The following CWC27 variants were observed in gnomAD, a reference collection of about 807,000 sequenced individuals.
CWC27 encodes the protein spliceosome-associated protein CWC27 homolog.
In CWC27, 47 loss-of-function variants were observed where a neutral mutation model predicts 63.6. The observed-to-expected ratio is 0.74, with a 90% confidence interval of 0.58 to 0.94. The LOEUF is 0.94. CWC27 is among the 40% of genes least tolerant of loss of function. The pLI, the probability that CWC27 is intolerant of heterozygous loss-of-function variation, is 0.00. For missense variants in CWC27, 495 were observed against 554.3 expected (o/e 0.89, Z 1.07); for synonymous variants, 175 against 179.8 (o/e 0.97, Z 0.22).
At chr5:64,995,786 T>G (rs911632168) in intron 13 of CWC27, among the ~76,000 whole-genome samples, 1 of 152,222 alleles carries the variant, frequency 6.6e-6, no homozygotes, top group Non-Finnish European at 1.5e-5. Context: ...AGGTTGAACC[T>G]TTACTGTTCT....
intron 10 of CWC27, among the ~76,000 whole-genome samples, chr5:64,878,470 T>TAAAAAAAAAAAAAAAAAAAAAAAAAAAA (rs397998002): frequency 3.7e-5 from 1 of 26,914 alleles, no homozygotes; most frequent in Non-Finnish European, 7.1e-5. Flanking sequence ...GGTTACAGAT[T>TAAAAAAAAAAAAAAAAAAAAAAAAAAAA]AAAAAAAAAA....
At chr5:64,891,554 G>C (rs550389325) in intron 11 of CWC27, among the ~76,000 whole-genome samples, 77 of 152,270 alleles carry the variant, frequency 5.1e-4, no homozygotes, top group African/African-American at 1.8e-3. Flanking sequence ...TCATCTTTAA[G>C]AGTCCATAAA....
chr5:64,855,178 A>G (rs1310277496), intron 10 of CWC27, among the ~76,000 whole-genome samples: 2 of 152,154 alleles, frequency 1.3e-5, no homozygotes, highest in African/African-American at 4.8e-5. Context: ...CTGTTGAAAA[A>G]GAGATGTTGT....
chr5:64,820,730 C>A (rs542103299), intron 10 of CWC27, among the ~76,000 whole-genome samples: 21 of 151,974 alleles, frequency 1.4e-4, no homozygotes, highest in African/African-American at 5.1e-4. Context: ...GATCTATGTG[C>A]AAATAAATAA....
intron 10 of CWC27, among the ~76,000 whole-genome samples, chr5:64,821,978 G>T (rs2112247786): frequency 6.6e-6 from 1 of 152,278 alleles, no homozygotes; most frequent in Middle Eastern, 3.4e-3. Flanking sequence ...ATGTCTGCCG[G>T]AATTGGTAGA....
At chr5:64,834,332 T>A (rs1391281316) in intron 10 of CWC27, among the ~76,000 whole-genome samples, 1 of 151,732 alleles carries the variant, frequency 6.6e-6, no homozygotes, top group African/African-American at 2.4e-5. Context: ...CTCCTCATAC[T>A]ACCTTAGTAT....
chr5:64,878,430 T>C (rs1402656380), intron 10 of CWC27, among the ~76,000 whole-genome samples: 41 of 135,792 alleles, frequency 3.0e-4, no homozygotes, highest in African/African-American at 1.2e-3. Flanking sequence ...ATAAATGCCT[T>C]CTAAGCACCA....
At chr5:64,831,507 T>TAGATAGATAGAC (rs1745518852) in intron 10 of CWC27, among the ~76,000 whole-genome samples, 1 of 151,106 alleles carries the variant, frequency 6.6e-6, no homozygotes, top group Non-Finnish European at 1.5e-5. Flanking sequence ...GATAGATAGA[T>TAGATAGATAGAC]AGATAGACAG....
chr5:64,939,304 C>T (rs1279985380), intron 11 of CWC27, among the ~76,000 whole-genome samples: 22 of 152,120 alleles, frequency 1.4e-4, no homozygotes, highest in Admixed American at 1.4e-3. Flanking sequence ...TGTCGGCGTC[C>T]TTTTTGTTAA....
chr5:64,944,912 G>C (rs918131215), intron 11 of CWC27, among the ~76,000 whole-genome samples: 1 of 151,912 alleles, frequency 6.6e-6, no homozygotes, highest in Non-Finnish European at 1.5e-5. Context: ...AAGCCTCTAT[G>C]TTTGTCTAGT....
intron 13 of CWC27, among the ~76,000 whole-genome samples, chr5:64,998,895 A>T (rs1374965606): frequency 6.6e-6 from 1 of 150,910 alleles, no homozygotes; most frequent in African/African-American, 2.4e-5. Context: ...TACCATTTGT[A>T]TCTGCATTTT....
At position 64,878,470 on chromosome 5, in the gene CWC27, T is replaced by TAAA. The variant is rs397998002; in HGVS notation, c.939-6945_939-6943dup. Among the ~76,000 whole-genome samples, 124 of 26,926 alleles carry TAAA rather than the reference T, an allele frequency of 4.6e-3. 19 individuals carry two copies. Among genetic ancestry groups the TAAA allele is most frequent in the African/African-American group, 0.014 (114 of 8,174 alleles). The allele number at this position is 26,926 out of a possible 152,430, so 17.7% of individuals were successfully genotyped here. A position where few individuals can be genotyped will look rare whatever the true frequency, so the allele number is the denominator to read the frequency against. On this transcript the variant is annotated intron_variant, in intron 10 of 13. Transcript: ENST00000381070. ...GTCAGCACTGTCCTGGGTTACAGAT[T>TAAA]AAAAAAAAAAAAAAAAAAAAAAAAA... is the stretch of plus-strand genomic sequence containing the variant.
intron 11 of CWC27, among the ~76,000 whole-genome samples, chr5:64,899,012 T>TA (rs1349063052): frequency 1.3e-5 from 2 of 152,020 alleles, no homozygotes; most frequent in Non-Finnish European, 2.9e-5. Context: ...TACCTAGCTG[T>TA]AAAAAAGGCT....
chr5:64,890,994 G>A (rs1747218663), intron 11 of CWC27, among the ~76,000 whole-genome samples: 1 of 152,170 alleles, frequency 6.6e-6, no homozygotes, highest in African/African-American at 2.4e-5. Flanking sequence ...GTAGCAGCAA[G>A]AGGTGATCGC....
intron 13 of CWC27, among the ~76,000 whole-genome samples, chr5:65,014,262 TAATA>T (rs1750013950): frequency 6.8e-6 from 1 of 147,832 alleles, no homozygotes; most frequent in African/African-American, 2.5e-5. Context: ...ATGATATATA[TAATA>T]TATACCATAG....
At chr5:64,971,158 G>A (rs901162137) in intron 11 of CWC27, among the ~76,000 whole-genome samples, 4 of 152,114 alleles carry the variant, frequency 2.6e-5, no homozygotes, top group Non-Finnish European at 5.9e-5. Context: ...CAAACCTATA[G>A]ATTTGTTTTC....
chr5:64,845,867 C>T (rs1194322748), intron 10 of CWC27, among the ~76,000 whole-genome samples: 1 of 152,178 alleles, frequency 6.6e-6, no homozygotes, highest in Non-Finnish European at 1.5e-5. Flanking sequence ...ATGTGAATAT[C>T]CAGGTACAAG....
chr5:64,776,846 A>AT (rs1743474997), intron 2 of CWC27, among the ~76,000 whole-genome samples: 1 of 152,128 alleles, frequency 6.6e-6, no homozygotes, highest in Admixed American at 6.5e-5. Context: ...AGTCTCAGAT[A>AT]TGGCCCTCAA....
At chr5:64,799,528 G>C (rs1163102487) in intron 7 of CWC27, among the ~76,000 whole-genome samples, 1 of 149,974 alleles carries the variant, frequency 6.7e-6, no homozygotes, top group Non-Finnish European at 1.5e-5. Context: ...GGAGATTGCA[G>C]TGAGCTGAGA....
Sources: allele counts gnomAD v4.1 joint callset (sites outside exome capture counted in the v4.1 genomes callset), GRCh38; gene constraint gnomAD v4.1.1; transcripts MANE v1.5; gene names NCBI Gene and HGNC (gene_info 2026-07-23, HGNC 2026-07-21).